The following PRH1 variants were observed in gnomAD, a reference collection of about 807,000 sequenced individuals.
PRH1 encodes proline rich protein HaeIII subfamily 1, also known as salivary acidic proline-rich phosphoprotein 1/2.
Under a neutral mutation model 7.9 loss-of-function variants are expected in PRH1, and 7 were observed. That is an observed-to-expected ratio of 0.89 (90% CI 0.50 to 1.67). The LOEUF (loss-of-function observed/expected upper bound fraction) is 1.67. Ranked by LOEUF, PRH1 falls within the 40% of genes most tolerant of loss-of-function variation. The probability of loss-of-function intolerance (pLI) is 0.00; values close to 1 mark genes in which losing one functional copy is unlikely to be tolerated. For synonymous variants in PRH1, 45 were observed against 80.8 expected (o/e 0.56, Z 2.38); for missense variants, 109 against 223.6 (o/e 0.49, Z 3.27).
chr12:11,058,584 A>C (rs1293043509), intron 1 of PRH1, among the ~76,000 whole-genome samples: 1 of 152,298 alleles, frequency 6.6e-6, no homozygotes, highest in East Asian at 1.9e-4. Context: ...TACTGGTCTC[A>C]AATGGAGCCC....
chr12:11,091,582 A>C, intron 1 of PRH1: 4 of 1,345,006 alleles, frequency 3.0e-6, no homozygotes, highest in Middle Eastern at 1.7e-4. Flanking sequence ...TGGGATCTTG[A>C]GATCCTTTAC....
intron 1 of PRH1, among the ~76,000 whole-genome samples, chr12:10,990,981 A>G (rs774688611): frequency 1.3e-5 from 2 of 152,218 alleles, no homozygotes; most frequent in African/African-American, 2.4e-5. Flanking sequence ...GAAGATCACT[A>G]TTTTGATTTG....
At chr12:10,891,217 A>G (rs1251535724) in intron 2 of PRH1, among the ~76,000 whole-genome samples, 1 of 152,158 alleles carries the variant, frequency 6.6e-6, no homozygotes, top group Admixed American at 6.5e-5. Context: ...TCAAATAAGC[A>G]TTATTGCCAC....
intron 1 of PRH1, among the ~76,000 whole-genome samples, chr12:10,987,240 G>A (rs776472767): frequency 6.6e-6 from 1 of 152,010 alleles, no homozygotes; most frequent in Non-Finnish European, 1.5e-5. Flanking sequence ...TAACCGATAC[G>A]TAATTTGTGT....
intron 1 of PRH1, chr12:11,061,388 C>A: frequency 6.2e-7 from 1 of 1,613,688 alleles, no homozygotes; most frequent in Non-Finnish European, 8.5e-7. Flanking sequence ...GGCTTCTCTC[C>A]TTTCACCCAG....
intron 1 of PRH1, chr12:10,986,683 A>T: frequency 6.2e-7 from 1 of 1,612,596 alleles, no homozygotes; most frequent in South Asian, 1.1e-5. Context: ...AATAATGCCC[A>T]GAGCAAACCA....
intron 1 of PRH1, among the ~76,000 whole-genome samples, chr12:11,017,815 T>C (rs1941374758): frequency 6.6e-6 from 1 of 152,118 alleles, no homozygotes; most frequent in Non-Finnish European, 1.5e-5. Flanking sequence ...TTAAGGTAAA[T>C]GGCTTCCTAT....
intron 2 of PRH1, among the ~76,000 whole-genome samples, chr12:10,946,566 T>C (rs1318039235): frequency 6.6e-6 from 1 of 152,128 alleles, no homozygotes; most frequent in Non-Finnish European, 1.5e-5. Flanking sequence ...GTGGCCTATT[T>C]TATAATTATT....
intron 1 of PRH1, among the ~76,000 whole-genome samples, chr12:11,036,768 T>C (rs1208175269): frequency 2.6e-5 from 4 of 152,232 alleles, no homozygotes; most frequent in Non-Finnish European, 4.4e-5. Flanking sequence ...TAAAATTACT[T>C]ATTTTCCAAA....
intron 1 of PRH1, among the ~76,000 whole-genome samples, chr12:10,984,566 C>T (rs563538359): frequency 6.6e-6 from 1 of 152,196 alleles, no homozygotes; most frequent in Non-Finnish European, 1.5e-5. Flanking sequence ...TGGGAGTCAA[C>T]AGTAAGCAAG....
chr12:10,972,928 A>ATCCCCCCCCCCCCCCCCCCCCCCCCC (rs1555119295), intron 2 of PRH1, among the ~76,000 whole-genome samples: 1 of 100,326 alleles, frequency 1.0e-5, no homozygotes, highest in African/African-American at 3.8e-5. Context: ...AAGCACCACA[A>ATCCCCCCCCCCCCCCCCCCCCCCCCC]CCCACCCCCC....
intron 1 of PRH1, among the ~76,000 whole-genome samples, chr12:11,095,023 G>A (rs1945045367): frequency 1.9e-5 from 1 of 53,124 alleles, no homozygotes; most frequent in Non-Finnish European, 4.5e-5. Context: ...TTTGAACGCT[G>A]TATAGGTGCA....
intron 2 of PRH1, chr12:10,932,262 T>C: frequency 2.3e-6 from 1 of 426,596 alleles, no homozygotes; most frequent in South Asian, 1.6e-5. Context: ...TCAAATGCCT[T>C]GAAACATAAT....
At chr12:10,896,660 G>T (rs1949649717) in intron 2 of PRH1, among the ~76,000 whole-genome samples, 1 of 151,152 alleles carries the variant, frequency 6.6e-6, no homozygotes, top group Non-Finnish European at 1.5e-5. Flanking sequence ...TACTCGGGAG[G>T]CTGAGGCAGG....
chr12:11,165,159 T>C (rs1947536065), intron 1 of PRH1, among the ~76,000 whole-genome samples: 1 of 152,212 alleles, frequency 6.6e-6, no homozygotes, highest in Non-Finnish European at 1.5e-5. Context: ...GGTTTCATGG[T>C]ATTTTTTACT....
At chr12:10,986,163 G>A (rs1224998607) in intron 1 of PRH1, 4 of 1,614,060 alleles carry the variant, frequency 2.5e-6, no homozygotes, top group Non-Finnish European at 3.4e-6. Context: ...CAAGAGGAAG[G>A]AGATCAGAGT....
At chr12:11,108,025 A>G (rs1360976128) in intron 1 of PRH1, among the ~76,000 whole-genome samples, 2 of 152,110 alleles carry the variant, frequency 1.3e-5, no homozygotes, top group East Asian at 3.9e-4. Flanking sequence ...GAGTGGTATG[A>G]CATATTAAAA....
At position 10,884,219 on chromosome 12, in the gene PRH1, T is replaced by C. The variant is rs1447762430; in HGVS notation, c.-2A>G. On this transcript the variant is annotated 5_prime_UTR_variant, in exon 1 of 4. Coordinates refer to ENST00000543626, the MANE Select transcript of PRH1 (RefSeq NM_001393989.1). Reference sequence around the variant, plus strand: ...CACTGACAGCAGAATCAGAAGCATCTTGCAGGAGGCTCTGGTGTCACTCCC... The same window carrying C: ...CACTGACAGCAGAATCAGAAGCATCCTGCAGGAGGCTCTGGTGTCACTCCC... 1 of 1,614,062 alleles carries C rather than the reference T, an allele frequency of 6.2e-7. No homozygotes were observed. Among genetic ancestry groups the C allele is most frequent in the Non-Finnish European group, 8.5e-7 (1 of 1,180,012 alleles).
intron 2 of PRH1, chr12:10,909,527 C>T: frequency 2.2e-6 from 1 of 463,510 alleles, no homozygotes; most frequent in Non-Finnish European, 3.9e-6. Flanking sequence ...TCTGCTGAGC[C>T]CTAGCTAAGA....
Sources: allele counts gnomAD v4.1 joint callset (sites outside exome capture counted in the v4.1 genomes callset), GRCh38; gene constraint gnomAD v4.1.1; transcripts MANE v1.5; gene names NCBI Gene and HGNC (gene_info 2026-07-23, HGNC 2026-07-21).